UIMC1: variants seen among roughly 807,000 people sequenced by gnomAD.
The protein encoded by UIMC1 is BRCA1-A complex subunit RAP80.
A neutral mutation model predicts 84.9 loss-of-function variants in UIMC1; 42 were observed. The observed-to-expected ratio is 0.49, with a 90% CI of 0.39 to 0.64. The LOEUF (loss-of-function observed/expected upper bound fraction) is 0.64, where lower values mean the gene tolerates loss of function less well. Ranked by LOEUF, UIMC1 falls within the 30% of genes least tolerant of loss-of-function variation. The pLI, the probability that UIMC1 is intolerant of heterozygous loss-of-function variation, is 0.00. For missense variants in UIMC1, 825 were observed against 847.6 expected (o/e 0.97, Z 0.33); for synonymous variants, 281 against 293.0 (o/e 0.96, Z 0.42).
intron 1 of UIMC1, among the ~76,000 whole-genome samples, chr5:177,000,496 G>GTTTTTTTTTTTTTTTTTT (rs1490596086): frequency 7.9e-6 from 1 of 125,960 alleles, no homozygotes; most frequent in African/African-American, 3.7e-5. Context: ...CCACTTGCAT[G>GTTTTTTTTTTTTTTTTTT]TCTTTTTTTT....
Position 176,982,626 on chromosome 5 carries a change from A to T in UIMC1, c.-8-3T>A. The T allele has an allele frequency of 6.2e-7, 1 of 1,609,532 alleles. No homozygotes were observed. Among genetic ancestry groups the T allele is most frequent in the South Asian group, 1.1e-5 (1 of 90,258 alleles). On this transcript the variant is annotated splice_region_variant and splice_polypyrimidine_tract_variant and intron_variant, in intron 1 of 14. Transcript: ENST00000511320. ...CTTTCTCCGTGGCATCCTTTTGTCT[A>T]GAATAAAAGGACAATAATTTTGTCT...
chr5:177,008,420 A>G (rs1056368255), upstream of UIMC1, among the ~76,000 whole-genome samples: 1 of 152,192 alleles, frequency 6.6e-6, no homozygotes, highest in African/African-American at 2.4e-5. Context: ...CTCTTCTATA[A>G]GACTTGTGAG....
At chr5:176,969,545 T>C (rs1329620128) in intron 5 of UIMC1, 56 bp downstream of exon 5, 1 of 1,548,176 alleles carries the variant, frequency 6.5e-7, no homozygotes, top group Non-Finnish European at 8.9e-7. Context: ...CAGCATGAGA[T>C]CCCTGTGGTA....
In UIMC1 at chr5:176,958,082, T is replaced by C. The variant is rs775992367; in HGVS notation, c.1262+11A>G. On this transcript the variant is annotated intron_variant, in intron 7 of 14. Transcript: ENST00000511320. ...TCAGAGGAGAATGCATAGCAACATA[T>C]AATCTCTCACCTTTGTGAAGCAGGT... is the stretch of plus-strand genomic sequence containing the variant. 1 of 1,613,154 alleles carries C rather than the reference T, an allele frequency of 6.2e-7. No homozygotes were observed. The highest frequency in any genetic ancestry group is 1.7e-5 in the Admixed American group (1 of 59,984).
intron 10 of UIMC1, among the ~76,000 whole-genome samples, chr5:176,931,296 G>A (rs1404090533): frequency 6.6e-6 from 1 of 152,090 alleles, no homozygotes; most frequent in Non-Finnish European, 1.5e-5. Context: ...AGTGTGACTA[G>A]ATCATGAAGT....
At chr5:176,956,426 G>A (rs533473512) in intron 7 of UIMC1, among the ~76,000 whole-genome samples, 1 of 152,288 alleles carries the variant, frequency 6.6e-6, no homozygotes, top group African/African-American at 2.4e-5. Flanking sequence ...ACTGACAAGA[G>A]AAGACACAGA....
intron 2 of UIMC1, among the ~76,000 whole-genome samples, chr5:176,982,238 G>C (rs1771169165): frequency 6.6e-6 from 1 of 152,110 alleles, no homozygotes; most frequent in Non-Finnish European, 1.5e-5. Context: ...TGCCACTTTG[G>C]ATTACTATAT....
chr5:176,917,853 G>A (rs918270648), intron 10 of UIMC1, among the ~76,000 whole-genome samples: 10 of 152,100 alleles, frequency 6.6e-5, no homozygotes, highest in Admixed American at 1.3e-4. Context: ...CAGCTACTTC[G>A]GAGGCTGAGG....
intron 1 of UIMC1, among the ~76,000 whole-genome samples, chr5:176,990,273 G>A (rs1247503250): frequency 6.6e-6 from 1 of 151,914 alleles, no homozygotes; most frequent in Non-Finnish European, 1.5e-5. Context: ...CCTTATAAGA[G>A]AGGCCTAAGA....
upstream of UIMC1, among the ~76,000 whole-genome samples, chr5:177,009,697 TTCAAGATCAGCCTGGGCAACACA>T (rs1369928523): frequency 6.6e-6 from 1 of 150,468 alleles, no homozygotes; most frequent in African/African-American, 2.4e-5. The surrounding 1 kb of genome is among the most constrained non-coding windows in gnomAD (Gnocchi z 4.3). Flanking sequence ...AGCCCAGGAG[TTCAAGATCAGCCTGGGCAACACA>T]GTGAGACTTT....
intron 10 of UIMC1, among the ~76,000 whole-genome samples, chr5:176,919,578 C>T (rs1002474741): frequency 6.6e-6 from 1 of 151,918 alleles, no homozygotes. Flanking sequence ...CTCAGCCTCC[C>T]AAGTAGATGG....
chr5:176,916,338 A>C (rs1760975512), intron 10 of UIMC1, among the ~76,000 whole-genome samples: 1 of 152,184 alleles, frequency 6.6e-6, no homozygotes, highest in Admixed American at 6.5e-5. Flanking sequence ...TAAACATATG[A>C]CCATTACCTC....
At chr5:176,928,678 G>A (rs993322103) in intron 10 of UIMC1, among the ~76,000 whole-genome samples, 1 of 152,198 alleles carries the variant, frequency 6.6e-6, no homozygotes, top group African/African-American at 2.4e-5. Context: ...TCGGCTGAGC[G>A]CAGTGGCCCA....
chr5:176,975,670 G>A (rs892467986), intron 2 of UIMC1, among the ~76,000 whole-genome samples, 190 bp from the exon 3 acceptor site: 1 of 152,120 alleles, frequency 6.6e-6, no homozygotes, highest in Non-Finnish European at 1.5e-5. Flanking sequence ...AATAAAAACT[G>A]TAAGAACAAA....
At chr5:176,917,827 C>T (rs938436036) in intron 10 of UIMC1, among the ~76,000 whole-genome samples, 3 of 152,008 alleles carry the variant, frequency 2.0e-5, no homozygotes, top group East Asian at 3.9e-4. Context: ...GGTATGGTGG[C>T]GCATGCCTAT....
chr5:176,906,132 T>G, intron 13 of UIMC1, 85 bp from the exon 14 acceptor site: 1 of 1,303,262 alleles, frequency 7.7e-7, no homozygotes, highest in East Asian at 2.4e-5. Flanking sequence ...TTCCGTGCTC[T>G]AGGCACTGCT....
chr5:177,003,602 A>G (rs138106468), intron 1 of UIMC1, among the ~76,000 whole-genome samples: 1,631 of 152,274 alleles, frequency 0.011, 9 homozygotes, highest in South Asian at 0.025. Context: ...GCAGTGAGCC[A>G]AGACTGCGCC....
intron 6 of UIMC1, among the ~76,000 whole-genome samples, chr5:176,963,580 G>T (rs988710444): frequency 3.3e-5 from 5 of 150,400 alleles, no homozygotes; most frequent in African/African-American, 1.2e-4. Flanking sequence ...TCACAGAAAT[G>T]TCCTCTATTG....
intron 11 of UIMC1, among the ~76,000 whole-genome samples, 189 bp downstream of exon 11, chr5:176,911,106 GAGAGAGAAGAAAAGAA>G (rs1760096599): frequency 1.6e-5 from 2 of 125,186 alleles, no homozygotes; most frequent in African/African-American, 6.4e-5. Context: ...AAAAAAGAGA[GAGAGAGAAGAAAAGAA>G]AAGAAAAGAA....
Sources: gnomAD v4.1 joint callset for allele counts (sites outside exome capture counted in the v4.1 genomes callset) on GRCh38, gnomAD v4.1.1 for gene constraint, Gnocchi (gnomAD v3.1) non-coding constraint, MANE v1.5 for transcripts, NCBI Gene and HGNC (gene_info 2026-07-23, HGNC 2026-07-21) for gene names.